Variants in UBXN2A observed in about 807,000 individuals in gnomAD.
The protein encoded by UBXN2A is UBX domain protein 2A.
A neutral mutation model predicts 28.4 loss-of-function variants in UBXN2A; 28 were observed. The ratio of observed to expected loss-of-function variants is 0.99; its 90% confidence interval spans 0.73 to 1.35. The LOEUF (loss-of-function observed/expected upper bound fraction) is 1.35, where lower values mean the gene tolerates loss of function less well. Among genes scored for constraint, UBXN2A ranks in the 40% most tolerant of loss-of-function variants. The probability of loss-of-function intolerance (pLI) is 0.00; values close to 1 mark genes in which losing one functional copy is unlikely to be tolerated. For synonymous variants in UBXN2A, 97 were observed against 103.6 expected (o/e 0.94, Z 0.39); for missense variants, 253 against 297.9 (o/e 0.85, Z 1.11).
intron 2 of UBXN2A, among the ~76,000 whole-genome samples, chr2:23,959,974 C>T (rs940458970): frequency 1.3e-5 from 2 of 152,082 alleles, no homozygotes; most frequent in Admixed American, 6.6e-5. Context: ...CAGGTGCGGC[C>T]GGGCGCAGTG....
At chr2:23,984,516 A>C (rs1214363397) in intron 5 of UBXN2A, among the ~76,000 whole-genome samples, 157 bp from the exon 6 acceptor site, 1 of 152,130 alleles carries the variant, frequency 6.6e-6, no homozygotes, top group Non-Finnish European at 1.5e-5. Context: ...TTGTGGACAT[A>C]AATAATATAT....
intron 1 of UBXN2A, among the ~76,000 whole-genome samples, chr2:23,929,168 G>T (rs531701133): frequency 6.6e-6 from 1 of 151,706 alleles, no homozygotes; most frequent in South Asian, 2.1e-4. Flanking sequence ...TGTCACCCAG[G>T]CTGGAGTGCA....
intron 2 of UBXN2A, among the ~76,000 whole-genome samples, chr2:23,961,056 A>C (rs778929918): frequency 1.3e-5 from 2 of 152,036 alleles, no homozygotes. Context: ...AGGTTCACCT[A>C]TGTTGTAGAG....
intron 4 of UBXN2A, among the ~76,000 whole-genome samples, chr2:23,979,381 A>G (rs1435637318): frequency 6.6e-6 from 1 of 152,178 alleles, no homozygotes; most frequent in East Asian, 1.9e-4. Flanking sequence ...TTATAATTTA[A>G]CCACTCTGAA....
intron 4 of UBXN2A, among the ~76,000 whole-genome samples, chr2:23,977,545 G>C (rs527667263): frequency 6.6e-6 from 1 of 151,706 alleles, no homozygotes; most frequent in Non-Finnish European, 1.5e-5. Flanking sequence ...GGGAGTCTGA[G>C]GCAGGAATTC....
chr2:23,982,633 TAAAA>T (rs1404443315), intron 4 of UBXN2A, among the ~76,000 whole-genome samples: 1 of 152,100 alleles, frequency 6.6e-6, no homozygotes, highest in African/African-American at 2.4e-5. Context: ...ACAGAAAATT[TAAAA>T]AATATATGCT....
intron 4 of UBXN2A, among the ~76,000 whole-genome samples, chr2:23,979,794 CTCCTGATCTCAAGCAA>C (rs1707821599): frequency 2.0e-5 from 3 of 152,146 alleles, no homozygotes; most frequent in African/African-American, 7.2e-5. Context: ...TGGTCTCAAA[CTCCTGATCTCAAGCAA>C]TCCTCCTGCC....
chr2:23,982,852 A>G, intron 4 of UBXN2A, 44 bp from the exon 5 acceptor site: 2 of 1,542,934 alleles, frequency 1.3e-6, no homozygotes, highest in Non-Finnish European at 1.7e-6. Context: ...CAGAGAAATA[A>G]AATACATTGG....
At chr2:23,989,304 T>C (rs1028826587) in intron 6 of UBXN2A, among the ~76,000 whole-genome samples, 3 of 145,022 alleles carry the variant, frequency 2.1e-5, no homozygotes, top group Admixed American at 6.9e-5. Flanking sequence ...CTGTATTTAT[T>C]CCTTTTTTTT....
upstream of UBXN2A, among the ~76,000 whole-genome samples, chr2:23,940,004 G>A (rs1705666563): frequency 6.6e-6 from 1 of 151,902 alleles, no homozygotes; most frequent in African/African-American, 2.4e-5. Context: ...CAGCTACTCC[G>A]GAGGCTGAGG....
chr2:23,977,520 T>A (rs777543567), intron 4 of UBXN2A, among the ~76,000 whole-genome samples: 5 of 151,730 alleles, frequency 3.3e-5, no homozygotes, highest in Non-Finnish European at 5.9e-5. Context: ...CACATGCCTG[T>A]AATCCCAGCT....
chr2:23,987,734 C>T (rs559126301), intron 6 of UBXN2A, among the ~76,000 whole-genome samples: 3 of 149,558 alleles, frequency 2.0e-5, no homozygotes, highest in East Asian at 3.9e-4. Context: ...GCCGAGATCG[C>T]GCCACTGCAC....
intron 1 of UBXN2A, among the ~76,000 whole-genome samples, chr2:23,941,016 G>A (rs1351577418): frequency 6.6e-6 from 1 of 152,202 alleles, no homozygotes; most frequent in African/African-American, 2.4e-5. Context: ...TCGCAGTCCA[G>A]TGATACAAAG....
intron 6 of UBXN2A, among the ~76,000 whole-genome samples, chr2:23,987,018 C>T (rs555037291): frequency 1.3e-5 from 2 of 151,786 alleles, no homozygotes; most frequent in Non-Finnish European, 2.9e-5. Flanking sequence ...ACCTGAGCCC[C>T]GGAGGTTGAG....
At chr2:23,937,936 G>C (rs541363343), upstream of UBXN2A, among the ~76,000 whole-genome samples, 1 of 152,284 alleles carries the variant, frequency 6.6e-6, no homozygotes, top group East Asian at 1.9e-4. Flanking sequence ...TGGACAGCAT[G>C]TTACTGTATT....
chr2:23,996,206 A>G (rs557101397), intron 6 of UBXN2A, among the ~76,000 whole-genome samples: 1 of 151,448 alleles, frequency 6.6e-6, no homozygotes, highest in Non-Finnish European at 1.5e-5. Flanking sequence ...AGCTGGGACT[A>G]CAGGCGCGTG....
chr2:23,947,490 T>A (rs72796385), intron 1 of UBXN2A, among the ~76,000 whole-genome samples: 18,319 of 152,228 alleles, frequency 0.12, 1,190 homozygotes, highest in Middle Eastern at 0.22. Flanking sequence ...TGGCTTTTTT[T>A]ATTCTCTGCA....
intron 1 of UBXN2A, among the ~76,000 whole-genome samples, chr2:23,954,733 G>T (rs145761626): frequency 6.7e-6 from 1 of 150,280 alleles, no homozygotes; most frequent in Non-Finnish European, 1.5e-5. Flanking sequence ...ATTCACACAA[G>T]TCCTTTGCCC....
chr2:23,994,473 C>A (rs1708459433), intron 6 of UBXN2A, among the ~76,000 whole-genome samples: 2 of 152,024 alleles, frequency 1.3e-5, no homozygotes, highest in South Asian at 4.1e-4. Flanking sequence ...ATATTCTTTT[C>A]TAATTTTTTT....
Sources: allele counts gnomAD v4.1 joint callset (sites outside exome capture counted in the v4.1 genomes callset), GRCh38; gene constraint gnomAD v4.1.1; transcripts MANE v1.5; gene names NCBI Gene and HGNC (gene_info 2026-07-23, HGNC 2026-07-21).